The following ALK variants were observed in gnomAD, a reference collection of about 807,000 sequenced individuals.
ALK encodes ALK receptor tyrosine kinase.
A neutral mutation model predicts 163.1 loss-of-function variants in ALK; 74 were observed. The observed-to-expected ratio is 0.45, with a 90% CI of 0.38 to 0.55. The LOEUF (loss-of-function observed/expected upper bound fraction) is 0.55, where lower values mean the gene tolerates loss of function less well. Ranked by LOEUF, ALK falls within the 20% of genes least tolerant of loss-of-function variation. ALK has a pLI of 0.00. For synonymous variants in ALK, 960 were observed against 843.2 expected (o/e 1.14, Z -2.40); for missense variants, 2,063 against 2,105.3 (o/e 0.98, Z 0.39).
chr2:29,310,415 C>T (rs1050078324), intron 8 of ALK, among the ~76,000 whole-genome samples: 10 of 152,098 alleles, frequency 6.6e-5, no homozygotes, highest in African/African-American at 2.4e-4. Flanking sequence ...ACTAAGGGTC[C>T]CTTCCTCCAG....
chr2:29,687,628 T>C (rs1378146288), intron 3 of ALK, among the ~76,000 whole-genome samples: 1 of 152,016 alleles, frequency 6.6e-6, no homozygotes, highest in Non-Finnish European at 1.5e-5. Flanking sequence ...CAGAAGGAAA[T>C]GAAAATCACT....
In ALK at chr2:29,226,843, G is replaced by C. The variant is rs2148178074; in HGVS notation, c.3067+79C>G. The C allele has an allele frequency of 1.9e-6, 3 of 1,576,556 alleles. No individual in the cohort carries two copies. The Middle Eastern group carries it at 6.3e-4, about 330-fold the overall frequency. ...ACAAAACCGAATCCAGGGTGTTCTG[G>C]AACCCAGAAACCATTTGTGGTCATG... On this transcript the variant is annotated intron_variant, in intron 18 of 28. Coordinates refer to ENST00000389048, the MANE Select transcript of ALK (RefSeq NM_004304.5).
chr2:29,825,863 T>C (rs758909959), intron 1 of ALK, among the ~76,000 whole-genome samples: 2 of 152,108 alleles, frequency 1.3e-5, no homozygotes, highest in Non-Finnish European at 2.9e-5. Context: ...TGAGAAATAC[T>C]GAGAAGTTAG....
intron 3 of ALK, among the ~76,000 whole-genome samples, chr2:29,603,279 A>G (rs1675430236): frequency 6.6e-6 from 1 of 152,206 alleles, no homozygotes; most frequent in African/African-American, 2.4e-5. Flanking sequence ...ATACGTAGAC[A>G]GGGAAGGGGA....
chr2:29,212,980 C>T (rs1670287), intron 24 of ALK, among the ~76,000 whole-genome samples: 136,492 of 152,262 alleles, frequency 0.9, 62,469 homozygotes, highest in Non-Finnish European at 0.98. Flanking sequence ...GCTGGGATTA[C>T]AGGCATGATA....
intron 1 of ALK, among the ~76,000 whole-genome samples, chr2:29,735,021 AT>A (rs1206559815): frequency 6.6e-6 from 1 of 152,144 alleles, no homozygotes; most frequent in African/African-American, 2.4e-5. Flanking sequence ...GGATCATTTT[AT>A]TTTTTTATTA....
At chr2:29,214,212 T>C in intron 23 of ALK, 131 bp from the exon 24 acceptor site, 2 of 757,658 alleles carry the variant, frequency 2.6e-6, no homozygotes, top group Non-Finnish European at 2.3e-6. Context: ...GCCTCGGCCC[T>C]GGCTGCACAT....
intron 6 of ALK, among the ~76,000 whole-genome samples, chr2:29,326,239 C>A (rs971445608): frequency 6.6e-6 from 1 of 152,146 alleles, no homozygotes; most frequent in African/African-American, 2.4e-5. Context: ...TAGTGGTAAG[C>A]TTTGGAGTGG....
chr2:29,404,989 C>T (rs943038007), intron 4 of ALK, among the ~76,000 whole-genome samples: 6 of 152,030 alleles, frequency 3.9e-5, no homozygotes, highest in African/African-American at 1.2e-4. Context: ...GCTCAAATGC[C>T]CTAGACGGAG....
At position 29,863,507 on chromosome 2, in the gene ALK, A is replaced by G. The variant is rs191779519; in HGVS notation, c.667+56486T>C. ...GAAGATATACAAATGGCCAATAAGAATATTTTTTTTTAAATGCTCACATCC... is the reference window on the plus strand; with the variant it reads ...GAAGATATACAAATGGCCAATAAGAGTATTTTTTTTTAAATGCTCACATCC... On this transcript the variant is annotated intron_variant, in intron 1 of 28. Coordinates refer to ENST00000389048, the MANE Select transcript of ALK (RefSeq NM_004304.5). Among the ~76,000 whole-genome samples the G allele has an allele frequency of 1.5e-3, 223 of 151,242 alleles. 1 individual carries two copies. The highest frequency in any genetic ancestry group is 4.9e-3 in the African/African-American group (201 of 41,248).
chr2:29,473,428 AGCAGTAAATGGAAAG>A (rs1671418102), intron 4 of ALK, among the ~76,000 whole-genome samples: 1 of 152,246 alleles, frequency 6.6e-6, no homozygotes, highest in South Asian at 2.1e-4. Context: ...GGATATAAAA[AGCAGTAAATGGAAAG>A]GCAAGCCACA....
At chr2:29,910,490 G>T (rs1279019011) in intron 1 of ALK, among the ~76,000 whole-genome samples, 1 of 152,062 alleles carries the variant, frequency 6.6e-6, no homozygotes, top group Non-Finnish European at 1.5e-5. Context: ...AGAACCAAGA[G>T]TCTATCAACA....
intron 5 of ALK, among the ~76,000 whole-genome samples, chr2:29,349,639 C>G (rs902532193): frequency 6.6e-6 from 1 of 152,174 alleles, no homozygotes; most frequent in Non-Finnish European, 1.5e-5. Context: ...AAAGGCCTCC[C>G]CTTTCATTAT....
intron 11 of ALK, among the ~76,000 whole-genome samples, chr2:29,260,930 A>T (rs1037216919): frequency 6.6e-6 from 1 of 151,736 alleles, no homozygotes; most frequent in Admixed American, 6.6e-5. Flanking sequence ...TTATCTGGAC[A>T]TTCTCTTATT....
intron 1 of ALK, among the ~76,000 whole-genome samples, chr2:29,854,600 T>C (rs1314602721): frequency 6.6e-6 from 1 of 152,180 alleles, no homozygotes; most frequent in Admixed American, 6.5e-5. Flanking sequence ...CAGCCTTGGG[T>C]CTTTCTTTGC....
chr2:29,645,632 C>T (rs1676850143), intron 3 of ALK, among the ~76,000 whole-genome samples: 1 of 152,094 alleles, frequency 6.6e-6, no homozygotes, highest in African/African-American at 2.4e-5. Flanking sequence ...GCAATTCCTT[C>T]TCCAGCCAGG....
At chr2:29,719,988 C>T (rs1386734545) in intron 1 of ALK, among the ~76,000 whole-genome samples, 1 of 152,102 alleles carries the variant, frequency 6.6e-6, no homozygotes, top group Non-Finnish European at 1.5e-5. Context: ...TTTTAAGTAG[C>T]TTTGAAGTGA....
chr2:29,777,638 A>T (rs1348800876), intron 1 of ALK, among the ~76,000 whole-genome samples: 2 of 152,150 alleles, frequency 1.3e-5, no homozygotes, highest in African/African-American at 4.8e-5. Context: ...ATCTCATAAG[A>T]TGAGGGACAG....
chr2:29,634,971 A>G (rs968360601), intron 3 of ALK, among the ~76,000 whole-genome samples: 7 of 152,202 alleles, frequency 4.6e-5, no homozygotes, highest in African/African-American at 1.7e-4. Flanking sequence ...ACAAAAATCA[A>G]TTGTATTTCT....
Sources: allele counts gnomAD v4.1 joint callset (sites outside exome capture counted in the v4.1 genomes callset), GRCh38; gene constraint gnomAD v4.1.1; transcripts MANE v1.5; gene names NCBI Gene and HGNC (gene_info 2026-07-23, HGNC 2026-07-21).